The following SLC10A7 variants were observed in gnomAD, a reference collection of about 807,000 sequenced individuals.
SLC10A7 encodes the protein sodium/bile acid cotransporter 7.
A neutral mutation model predicts 43.2 loss-of-function variants in SLC10A7; 29 were observed. That is an observed-to-expected ratio of 0.67 (90% CI 0.50 to 0.92). The LOEUF (loss-of-function observed/expected upper bound fraction) is 0.92, where lower values mean the gene tolerates loss of function less well. SLC10A7 is among the 40% of genes least tolerant of loss of function. The probability of loss-of-function intolerance (pLI) is 0.00; values close to 1 mark genes in which losing one functional copy is unlikely to be tolerated. For synonymous variants in SLC10A7, 152 were observed against 144.8 expected (o/e 1.05, Z -0.35); for missense variants, 295 against 403.2 (o/e 0.73, Z 2.30).
intron 4 of SLC10A7, among the ~76,000 whole-genome samples, chr4:146,472,604 C>A (rs930574111): frequency 2.0e-5 from 3 of 152,078 alleles, no homozygotes; most frequent in Admixed American, 6.6e-5. Flanking sequence ...TTCCCATAGG[C>A]CCTTAGGGCA....
At chr4:146,408,930 T>C (rs934043793) in intron 5 of SLC10A7, among the ~76,000 whole-genome samples, 2 of 152,148 alleles carry the variant, frequency 1.3e-5, no homozygotes, top group African/African-American at 4.8e-5. Flanking sequence ...CAACATATTA[T>C]GGCAGTACTG....
intron 9 of SLC10A7, among the ~76,000 whole-genome samples, chr4:146,289,220 T>A (rs1294014454): frequency 6.6e-6 from 1 of 152,154 alleles, no homozygotes; most frequent in East Asian, 1.9e-4. Flanking sequence ...GTAAGAAAAC[T>A]TACCATTAAT....
intron 5 of SLC10A7, among the ~76,000 whole-genome samples, chr4:146,431,393 C>T (rs1729766092): frequency 6.6e-6 from 1 of 151,980 alleles, no homozygotes; most frequent in Non-Finnish European, 1.5e-5. Flanking sequence ...TTTTATAAAC[C>T]CCCATATGAT....
intron 6 of SLC10A7, among the ~76,000 whole-genome samples, chr4:146,318,479 C>T (rs570143973): frequency 1.3e-5 from 2 of 152,186 alleles, no homozygotes; most frequent in East Asian, 3.9e-4. Context: ...AGTGTTCCTC[C>T]TAAGTCAACT....
chr4:146,354,113 C>G (rs995347242), intron 5 of SLC10A7, among the ~76,000 whole-genome samples: 3 of 147,788 alleles, frequency 2.0e-5, no homozygotes, highest in African/African-American at 5.1e-5. Flanking sequence ...TGTTTGCAGA[C>G]GACATGATTG....
intron 6 of SLC10A7, among the ~76,000 whole-genome samples, chr4:146,317,968 C>T (rs185411749): frequency 6.6e-6 from 1 of 152,032 alleles, no homozygotes; most frequent in East Asian, 1.9e-4. Context: ...GAGTCAATTC[C>T]CATAATAAAT....
chr4:146,436,195 C>A (rs890885332), intron 5 of SLC10A7, among the ~76,000 whole-genome samples: 1 of 152,060 alleles, frequency 6.6e-6, no homozygotes. Flanking sequence ...CATTTACTTG[C>A]TACACAAGTC....
At chr4:146,499,268 T>C (rs759631018) in intron 4 of SLC10A7, among the ~76,000 whole-genome samples, 3 of 152,274 alleles carry the variant, frequency 2.0e-5, no homozygotes, top group Admixed American at 1.3e-4. Flanking sequence ...AGCAATTCTA[T>C]TGCTATGTTA....
intron 6 of SLC10A7, among the ~76,000 whole-genome samples, chr4:146,318,086 C>T (rs1483599127): frequency 2.0e-5 from 3 of 152,038 alleles, no homozygotes; most frequent in African/African-American, 7.2e-5. Flanking sequence ...TTTTTCTCTC[C>T]ATAACTGGGT....
At chr4:146,517,250 G>A in intron 1 of SLC10A7, 130 bp from the exon 2 acceptor site, 1 of 579,736 alleles carries the variant, frequency 1.7e-6, no homozygotes, top group Admixed American at 3.0e-5. Flanking sequence ...AGCACTTGAG[G>A]CCAGGAGTTC....
At chr4:146,462,876 G>A (rs1470661192) in intron 4 of SLC10A7, among the ~76,000 whole-genome samples, 1 of 152,118 alleles carries the variant, frequency 6.6e-6, no homozygotes, top group Admixed American at 6.6e-5. Flanking sequence ...AAAATCACCT[G>A]TGAAGATACT....
chr4:146,465,806 A>T (rs1402319760), intron 4 of SLC10A7, among the ~76,000 whole-genome samples: 1 of 152,188 alleles, frequency 6.6e-6, no homozygotes, highest in Non-Finnish European at 1.5e-5. Flanking sequence ...GTTTAACTGA[A>T]GTCTTCATCA....
intron 5 of SLC10A7, among the ~76,000 whole-genome samples, chr4:146,330,203 T>C (rs908185610): frequency 4.6e-5 from 7 of 152,132 alleles, no homozygotes; most frequent in African/African-American, 1.7e-4. Context: ...TAGATTTAGC[T>C]GCATCAAAAT....
chr4:146,280,146 T>G (rs555628461), intron 10 of SLC10A7, among the ~76,000 whole-genome samples: 6 of 152,298 alleles, frequency 3.9e-5, no homozygotes, highest in African/African-American at 4.8e-5. Context: ...TTTCACTTAA[T>G]GTATTCTACG....
At chr4:146,494,137 C>T (rs992039910) in intron 4 of SLC10A7, among the ~76,000 whole-genome samples, 1 of 152,184 alleles carries the variant, frequency 6.6e-6, no homozygotes, top group Non-Finnish European at 1.5e-5. Context: ...TTCCACATAT[C>T]AATGCATGAG....
intron 5 of SLC10A7, among the ~76,000 whole-genome samples, chr4:146,368,585 T>C (rs552541062): frequency 1.3e-5 from 2 of 152,266 alleles, no homozygotes; most frequent in South Asian, 4.2e-4. Flanking sequence ...TTGTCCAGCC[T>C]AAAACTTTAA....
At chr4:146,292,591 A>G (rs1730512606) in intron 9 of SLC10A7, among the ~76,000 whole-genome samples, 1 of 152,230 alleles carries the variant, frequency 6.6e-6, no homozygotes, top group African/African-American at 2.4e-5. Flanking sequence ...AGATATCTAA[A>G]TGGTAAATGA....
At chr4:146,417,460 C>A (rs1395324118) in intron 5 of SLC10A7, among the ~76,000 whole-genome samples, 2 of 152,088 alleles carry the variant, frequency 1.3e-5, no homozygotes, top group Non-Finnish European at 2.9e-5. Flanking sequence ...AAATCCAGAG[C>A]AACTCTCATC....
chr4:146,487,965 T>C (rs1735063914), intron 4 of SLC10A7, among the ~76,000 whole-genome samples: 1 of 151,918 alleles, frequency 6.6e-6, no homozygotes, highest in African/African-American at 2.4e-5. Context: ...GGTAGGAGGA[T>C]TGCTTGAGCC....
Sources: allele counts gnomAD v4.1 joint callset (sites outside exome capture counted in the v4.1 genomes callset), GRCh38; gene constraint gnomAD v4.1.1; transcripts MANE v1.5; gene names NCBI Gene and HGNC (gene_info 2026-07-23, HGNC 2026-07-21).